The following ARHGEF28 variants were observed in gnomAD, a reference collection of about 807,000 sequenced individuals.
ARHGEF28 encodes 190 kDa guanine nucleotide exchange factor.
Under a neutral mutation model 206.6 loss-of-function variants are expected in ARHGEF28, and 152 were observed. That is an observed-to-expected ratio of 0.74 (90% CI 0.64 to 0.84). The LOEUF is 0.84. Ranked by LOEUF, ARHGEF28 falls within the 40% of genes least tolerant of loss-of-function variation. The pLI is 0.00. For missense variants in ARHGEF28, 2,028 were observed against 2,073.2 expected, an observed-to-expected ratio of 0.98 and a Z score of 0.42; for synonymous variants, 763 against 776.4, an observed-to-expected ratio of 0.98 and a Z score of 0.29.
At position 73,846,371 on chromosome 5, in the gene ARHGEF28, A is replaced by T; in HGVS notation, c.1531A>T (p.Ile511Phe). The T allele has an allele frequency of 1.9e-6, 3 of 1,613,926 alleles. No homozygotes were observed. ...PGSQSSSRTG[I>F]PSGDELDSFE... ...GTCTCAGAGCTCCTCAAGAACTGGG[A>T]TTCCTAGTGGGGATGAATTGGACTC... The change falls in exon 12 of 36, where the codon ATT (isoleucine) becomes TTT (phenylalanine). Residue 511 changes from isoleucine (I) to phenylalanine (F), a missense_variant. By Grantham distance (21) the Ile-to-Phe change is conservative. Around this residue, in one of 3 missense-constraint regions of ARHGEF28, gnomAD observed 1,002 missense variants for 1,015.3 expected, o/e 0.99. Coordinates refer to ENST00000513042, the MANE Select transcript of ARHGEF28 (RefSeq NM_001177693.2).
intron 7 of ARHGEF28, among the ~76,000 whole-genome samples, chr5:73,789,677 T>G (rs1346952467): frequency 3.3e-5 from 5 of 152,156 alleles, no homozygotes; most frequent in African/African-American, 1.2e-4. Flanking sequence ...AAGTTTTTAT[T>G]TATTTTATTT....
rs770267470 is a variant in ARHGEF28, at chr5:73,840,596, A to C, written c.1263A>C (p.Glu421Asp). The C allele has an allele frequency of 6.2e-7, 1 of 1,614,002 alleles. No individual in the cohort carries two copies. ...PQSSKHTLPTETSPSVYPLSE... is the reference protein window; with the variant it reads ...PQSSKHTLPTDTSPSVYPLSE... The stretch of plus-strand genomic sequence containing the variant: ...GCAGCAAACACACCCTTCCTACAGA[A>C]ACCAGTCCCAGTGTGTACCCACTTA... The change falls in exon 11 of 36, where the codon GAA becomes GAC. Residue 421 changes from glutamate to aspartate, a missense_variant. Physicochemically the swap from Glu to Asp is conservative, Grantham distance 45 (BLOSUM62 2). Around this residue, in one of 3 missense-constraint regions of ARHGEF28, gnomAD observed 1,002 missense variants for 1,015.3 expected, o/e 0.99. Transcript: ENST00000513042.
chr5:73,708,876 T>C (rs1299618369), intron 2 of ARHGEF28, among the ~76,000 whole-genome samples: 1 of 152,206 alleles, frequency 6.6e-6, no homozygotes, highest in Non-Finnish European at 1.5e-5. Context: ...GCATCTATTA[T>C]TTTTTGACTT....
At chr5:73,770,281 G>A (rs906585537) in intron 4 of ARHGEF28, among the ~76,000 whole-genome samples, 4 of 152,144 alleles carry the variant, frequency 2.6e-5, no homozygotes, top group African/African-American at 7.2e-5. Flanking sequence ...ACTGATGCCC[G>A]GCAGAGTGAG....
At chr5:73,757,918 A>G (rs946693506) in intron 4 of ARHGEF28, among the ~76,000 whole-genome samples, 3 of 152,166 alleles carry the variant, frequency 2.0e-5, no homozygotes, top group African/African-American at 7.2e-5. Context: ...TTGAGCAGAA[A>G]TCTTTTCTCA....
chr5:73,786,186 C>A (rs188176418), intron 7 of ARHGEF28: 94 of 152,278 alleles, frequency 6.2e-4, no homozygotes, highest in African/African-American at 2.2e-3. Context: ...CTGGTCACAA[C>A]CTGAGTTAAG....
intron 1 of ARHGEF28, among the ~76,000 whole-genome samples, chr5:73,680,434 CAAAAAAAAAAAAAAAAA>C (rs71615795): frequency 3.3e-5 from 1 of 30,512 alleles, no homozygotes; most frequent in South Asian, 2.3e-3. Flanking sequence ...GACTCCATCT[CAAAAAAAAAAAAAAAAA>C]AAAAAAAAAA....
chr5:73,940,837 C>G lies in ARHGEF28; in HGVS notation c.4949-7C>G. On this transcript the variant is annotated splice_region_variant and splice_polypyrimidine_tract_variant and intron_variant, in intron 35 of 35. Coordinates refer to ENST00000513042, the MANE Select transcript of ARHGEF28 (RefSeq NM_001177693.2). ...CTCCTGTAACCTGTGCTGTCTGTTTCTTGCAGATTTGGACACCTCCCACAC... is the reference window on the plus strand; with the variant it reads ...CTCCTGTAACCTGTGCTGTCTGTTTGTTGCAGATTTGGACACCTCCCACAC... 1 of 1,480,298 alleles carries G rather than the reference C, an allele frequency of 6.8e-7. No individual in the cohort carries two copies. Among genetic ancestry groups the G allele is most frequent in the Non-Finnish European group, 8.9e-7 (1 of 1,124,224 alleles). The allele number at this position is 1,480,298 out of a possible 1,614,324, so 91.7% of individuals were successfully genotyped here.
chr5:73,916,553 T>C lies in ARHGEF28; in HGVS notation c.4948+4978T>C, dbSNP rs117527929. Reference sequence around the variant, plus strand: ...ACCTTCTTCCTGCGTCTTCACCTGGTCTTCCCCCTGTGCCTGTCTGTGCCC... The same window carrying C: ...ACCTTCTTCCTGCGTCTTCACCTGGCCTTCCCCCTGTGCCTGTCTGTGCCC... On this transcript the variant is annotated intron_variant, in intron 35 of 35. Transcript: ENST00000513042. 6.0e-3 allele frequency among the ~76,000 whole-genome samples: 909 copies of C among 152,326 alleles called. 38 individuals are homozygous for C. Among genetic ancestry groups the C allele is most frequent in the Admixed American group, 0.051 (784 of 15,290 alleles).
At chr5:73,864,700 A>G (rs1580004538) in intron 16 of ARHGEF28, 117 bp from the exon 17 acceptor site, 1 of 831,550 alleles carries the variant, frequency 1.2e-6, no homozygotes, top group East Asian at 2.7e-5. Flanking sequence ...AGTTTTCCAG[A>G]TATTTGTAAT....
intron 30 of ARHGEF28, 162 bp downstream of exon 30, chr5:73,898,255 T>G: frequency 4.7e-5 from 36 of 762,932 alleles, no homozygotes; most frequent in Non-Finnish European, 6.7e-5. Context: ...CCTAAATGAA[T>G]ATCATAGGCA....
Position 73,773,972 on chromosome 5 carries a change from AG to A in ARHGEF28, c.596del (p.Gly199ValfsTer5). 2 of 1,607,188 alleles carry A rather than the reference AG, an allele frequency of 1.2e-6. No individual in the cohort carries two copies. Among genetic ancestry groups the A allele is most frequent in the Non-Finnish European group, 1.7e-6 (2 of 1,176,688 alleles). On this transcript the variant is annotated frameshift_variant, in exon 5 of 36. Transcript: ENST00000513042. LOFTEE classifies it high-confidence loss of function. ...CAGGCCTTGGCTTTACCCAACGAAG[AG>A]GGTGCCACACCATTAGACTTAGCTT... ...GVQALALPNE[E>X]GATPLDLALR...
chr5:73,931,239 G>C (rs1047289899), intron 35 of ARHGEF28, among the ~76,000 whole-genome samples: 3 of 152,062 alleles, frequency 2.0e-5, no homozygotes, highest in African/African-American at 7.2e-5. Flanking sequence ...TGGGTTCTTT[G>C]TTTGTAACCT....
intron 4 of ARHGEF28, among the ~76,000 whole-genome samples, chr5:73,771,401 A>G (rs1753211714): frequency 6.6e-6 from 1 of 152,114 alleles, no homozygotes; most frequent in Admixed American, 6.5e-5. Context: ...TACAAAAATT[A>G]GCTGGGGGTG....
Position 73,826,814 on chromosome 5 carries a change from G to A in ARHGEF28, c.1025-5524G>A, listed in dbSNP as rs966538709. On this transcript the variant is annotated intron_variant, in intron 9 of 35. Coordinates refer to ENST00000513042, the MANE Select transcript of ARHGEF28 (RefSeq NM_001177693.2). ...GTCTCCCCTGTGTCACCTGATTAGA[G>A]CATTTAGTACAGGAAGGATGGGCTG... Among the ~76,000 whole-genome samples, 32 of 152,160 alleles carry A rather than the reference G, an allele frequency of 2.1e-4. 1 individual carries two copies. The highest frequency in any genetic ancestry group is 1.3e-4 in the Admixed American group (2 of 15,284).
chr5:73,795,263 AC>A, intron 8 of ARHGEF28, 67 bp from the exon 9 acceptor site: 2 of 1,445,736 alleles, frequency 1.4e-6, no homozygotes, highest in Admixed American at 3.8e-5. Flanking sequence ...TTTCTAGTTC[AC>A]AAAAATAAAC....
rs1762791461 is a variant in ARHGEF28, at chr5:73,909,903, G to A, written c.4647+6G>A. The A allele has an allele frequency of 6.7e-7, 1 of 1,497,282 alleles. No homozygotes were observed. Among genetic ancestry groups the A allele is most frequent in the Non-Finnish European group, 8.8e-7 (1 of 1,133,438 alleles). 92.7% of individuals were successfully genotyped at this position (1,497,282 alleles called of 1,614,324 possible). On this transcript the variant is annotated splice_donor_region_variant and intron_variant, in intron 34 of 35. Transcript: ENST00000513042. ...TCCTTCCGGGTGGCCCCGAGGTATG[G>A]ACCTTCTGCGGTGCTGTGAGGCAGC...
intron 9 of ARHGEF28, among the ~76,000 whole-genome samples, chr5:73,818,049 T>C (rs1269967745): frequency 6.6e-6 from 1 of 152,130 alleles, no homozygotes; most frequent in African/African-American, 2.4e-5. Context: ...CACAGACATC[T>C]GGAGCACAGG....
chr5:73,825,229 A>T (rs1756832992), intron 9 of ARHGEF28, among the ~76,000 whole-genome samples: 1 of 152,238 alleles, frequency 6.6e-6, no homozygotes, highest in South Asian at 2.1e-4. Flanking sequence ...AAAATAAAGC[A>T]AGGGTTGGCG....
Sources: gnomAD v4.1 joint callset for allele counts (sites outside exome capture counted in the v4.1 genomes callset) on GRCh38, gnomAD v4.1.1 for gene constraint, gnomAD v4.1.1 regional missense constraint, MANE v1.5 for transcripts, NCBI Gene and HGNC (gene_info 2026-07-23, HGNC 2026-07-21) for gene names.